The following KAT2B variants were observed in gnomAD, a reference collection of about 807,000 sequenced individuals.
KAT2B encodes lysine acetyltransferase 2B, also known as histone acetyltransferase KAT2B.
In KAT2B, 36 loss-of-function variants were observed where a neutral mutation model predicts 105.9. The ratio of observed to expected loss-of-function variants is 0.34; its 90% CI spans 0.26 to 0.45. The LOEUF (loss-of-function observed/expected upper bound fraction) is 0.45, where lower values mean the gene tolerates loss of function less well. Among genes scored for constraint, KAT2B ranks in the 20% least tolerant of loss-of-function variants. The pLI is 1.00. For missense variants in KAT2B, 820 were observed against 1,021.6 expected, an observed-to-expected ratio of 0.80 and a Z score of 2.69; for synonymous variants, 397 against 377.9, an observed-to-expected ratio of 1.05 and a Z score of -0.59.
intron 1 of KAT2B, among the ~76,000 whole-genome samples, chr3:20,056,329 G>A (rs1698003264): frequency 2.6e-5 from 4 of 152,114 alleles, no homozygotes; most frequent in Admixed American, 2.6e-4. Flanking sequence ...CCAGGTTTTT[G>A]GCCTGAGCAA....
intron 1 of KAT2B, among the ~76,000 whole-genome samples, chr3:20,052,589 C>G (rs1245654920): frequency 1.3e-5 from 2 of 151,724 alleles, no homozygotes; most frequent in Non-Finnish European, 2.9e-5. Context: ...TGCCTGTAAT[C>G]CCAGCACTTT....
rs749392601 is a variant in KAT2B, at chr3:20,122,792, G to A, written c.1401G>A (p.Met467Ile). 3.1e-6 allele frequency: 5 copies of A among 1,612,772 alleles called. No homozygotes were observed. The highest frequency in any genetic ancestry group is 2.5e-6 in the Non-Finnish European group (3 of 1,179,288). ...VMSTITDPAA[M>I]LGPETNFLSA... ...CTACCATCACGGACCCTGCAGCAAT[G>A]CTTGGACCAGAGGTCAGCAGGGTAA... The change falls in exon 9 of 18, where the codon ATG becomes ATA. Residue 467 changes from methionine to isoleucine, a missense_variant. Physicochemically the swap from Met to Ile is conservative, Grantham distance 10. Transcript: ENST00000263754.
Position 20,111,774 on chromosome 3 carries a change from A to G in KAT2B, c.1030A>G (p.Thr344Ala), listed in dbSNP as rs755088472. The change falls in exon 6 of 18, where the codon ACT (threonine) becomes GCT (alanine). Residue 344 changes from threonine to alanine, a missense_variant. Physicochemically the swap from Thr to Ala is moderately conservative, Grantham distance 58. This residue lies in a region of KAT2B where 173 missense variants were observed against 249.5 expected (regional missense o/e 0.69). Transcript: ENST00000263754. ...LPLEKRTLIL[T>A]HFPKFLSMLE... ...TCTTGAAAAACGAACTCTAATCCTC[A>G]CTCATTTCCCAAAGTAAGGGAGAGT... 6.2e-7 allele frequency: 1 copy of G among 1,611,446 alleles called. No individual in the cohort carries two copies. Among genetic ancestry groups the G allele is most frequent in the South Asian group, 1.1e-5 (1 of 90,644 alleles).
chr3:20,044,906 A>G (rs887758203), intron 1 of KAT2B, among the ~76,000 whole-genome samples: 1 of 152,232 alleles, frequency 6.6e-6, no homozygotes, highest in Admixed American at 6.5e-5. Context: ...ATTAGCTGTG[A>G]TGTTAGCAGT....
chr3:20,107,465 C>A (rs1270085771), intron 5 of KAT2B, among the ~76,000 whole-genome samples: 2 of 151,406 alleles, frequency 1.3e-5, no homozygotes, highest in East Asian at 2.0e-4. Context: ...CAAGACCAGC[C>A]TGGCCAACAT....
chr3:20,145,369 T>A (rs1371755260), intron 13 of KAT2B, among the ~76,000 whole-genome samples: 1 of 152,160 alleles, frequency 6.6e-6, no homozygotes, highest in African/African-American at 2.4e-5. Context: ...TTTTATGAAG[T>A]TATTTGTTTA....
chr3:20,119,680 C>T lies in KAT2B; in HGVS notation c.1233C>T (p.Ser411=), dbSNP rs759830094. ...SSLEQPNAGS[S]SPACKASSGL... is the part of the protein sequence containing the mutation. ...TTGAGCAGCCAAACGCAGGGAGCAG[C>T]AGTCCTGCCTGCAAAGCCTCTTCTG... The change falls in exon 8 of 18, where the codon AGC becomes AGT. Residue 411 remains serine, a synonymous_variant. Transcript: ENST00000263754. 5 of 1,614,074 alleles carry T rather than the reference C, an allele frequency of 3.1e-6. No individual in the cohort carries two copies. Among genetic ancestry groups the T allele is most frequent in the Non-Finnish European group, 4.2e-6 (5 of 1,179,954 alleles).
chr3:20,087,732 A>G (rs774295065), intron 2 of KAT2B, among the ~76,000 whole-genome samples: 5 of 152,170 alleles, frequency 3.3e-5, no homozygotes, highest in Non-Finnish European at 5.9e-5. Flanking sequence ...TTAAGATTCT[A>G]CATACAAATA....
At chr3:20,117,510 G>C (rs776542665) in intron 7 of KAT2B, among the ~76,000 whole-genome samples, 1 of 152,164 alleles carries the variant, frequency 6.6e-6, no homozygotes, top group Non-Finnish European at 1.5e-5. Flanking sequence ...AGTATGCTTT[G>C]AAATTCAGAA....
intron 5 of KAT2B, among the ~76,000 whole-genome samples, chr3:20,107,009 ATATATATTTT>A (rs1699029248): frequency 8.1e-5 from 2 of 24,650 alleles, no homozygotes; most frequent in East Asian, 2.8e-3. Context: ...ATATATATAT[ATATATATTTT>A]TTTTTTTTTT....
chr3:20,150,893 CAT>C (rs1464726582), intron 17 of KAT2B, among the ~76,000 whole-genome samples: 3 of 151,788 alleles, frequency 2.0e-5, no homozygotes, highest in African/African-American at 7.3e-5. Flanking sequence ...TTGGGGGGTA[CAT>C]GTTTCTTCCT....
At chr3:20,105,813 A>T (rs906135940) in intron 5 of KAT2B, among the ~76,000 whole-genome samples, 1 of 151,586 alleles carries the variant, frequency 6.6e-6, no homozygotes, top group Admixed American at 6.6e-5. Flanking sequence ...AAAAAAAAAA[A>T]AAAAAGAAGA....
chr3:20,149,520 A>AAAAAAAAAAAAAAAAAC (rs1699836094), intron 17 of KAT2B, among the ~76,000 whole-genome samples: 1 of 146,292 alleles, frequency 6.8e-6, no homozygotes, highest in African/African-American at 2.5e-5. Context: ...AAAAAAAAAA[A>AAAAAAAAAAAAAAAAAC]TTGTGGAAGT....
At chr3:20,076,342 CTCCT>C (rs1049341545) in intron 2 of KAT2B, among the ~76,000 whole-genome samples, 2 of 152,104 alleles carry the variant, frequency 1.3e-5, no homozygotes, top group Non-Finnish European at 2.9e-5. Flanking sequence ...TTTCCCCCTA[CTCCT>C]TCCTTTCTTC....
intron 1 of KAT2B, among the ~76,000 whole-genome samples, chr3:20,054,333 T>G (rs952775292): frequency 2.0e-4 from 30 of 152,206 alleles, no homozygotes; most frequent in Admixed American, 1.0e-3. Flanking sequence ...TTTACCATCT[T>G]GGCCAGGCTG....
rs781543067 is a variant in KAT2B at position 20,072,506 on chromosome 3, G to A, written c.430+47G>A. 9.4e-5 allele frequency: 149 copies of A among 1,578,292 alleles called. 1 individual carries two copies. The South Asian group carries it at 1.1e-3, about 12-fold the overall frequency. On this transcript the variant is annotated intron_variant, in intron 2 of 17. Transcript: ENST00000263754. ...GAAAGTATAACGAGTTCATTGTAGC[G>A]TGAGACTCTTAACTTACTGAATTCT...
At chr3:20,086,652 A>G (rs1425731510) in intron 2 of KAT2B, among the ~76,000 whole-genome samples, 4 of 152,156 alleles carry the variant, frequency 2.6e-5, no homozygotes, top group Non-Finnish European at 5.9e-5. Context: ...ACCCATGCAT[A>G]TTCCTCATCA....
At chr3:20,103,327 C>G (rs1698941404) in intron 5 of KAT2B, among the ~76,000 whole-genome samples, 1 of 152,134 alleles carries the variant, frequency 6.6e-6, no homozygotes, top group South Asian at 2.1e-4. Flanking sequence ...CGACTTTTAG[C>G]AGAGAAAATA....
At chr3:20,078,365 G>T (rs900671097) in intron 2 of KAT2B, among the ~76,000 whole-genome samples, 4 of 151,960 alleles carry the variant, frequency 2.6e-5, no homozygotes, top group Non-Finnish European at 5.9e-5. Context: ...TTAGTTTAGA[G>T]GTTTTTTGAT....
Sources: allele counts gnomAD v4.1 joint callset (sites outside exome capture counted in the v4.1 genomes callset), GRCh38; gene constraint gnomAD v4.1.1; regional missense constraint gnomAD v4.1.1; transcripts MANE v1.5; gene names NCBI Gene and HGNC (gene_info 2026-07-23, HGNC 2026-07-21).